THAP1: variants seen among roughly 807,000 people sequenced by gnomAD.
The protein encoded by THAP1 is THAP domain containing 1.
THAP1 carries 6 observed loss-of-function variants against 18.2 expected under a neutral mutation model. That is an observed-to-expected ratio of 0.33 (90% CI 0.18 to 0.65). The LOEUF is 0.65. Ranked by LOEUF, THAP1 falls within the 30% of genes least tolerant of loss-of-function variation. THAP1 has a pLI of 0.74. For synonymous variants in THAP1, 85 were observed against 90.5 expected, an observed-to-expected ratio of 0.94 and a Z score of 0.34; for missense variants, 176 against 253.0, an observed-to-expected ratio of 0.70 and a Z score of 2.06.
Position 42,843,265 on chromosome 8 carries a change from A to C in THAP1, c.-171T>G, listed in dbSNP as rs1802763506. On this transcript the variant is annotated 5_prime_UTR_variant, in exon 1 of 3. It removes an upstream start codon present in the reference 5' UTR. Transcript: ENST00000254250. ...CTAGTGTGCCCGTTTTGTTGTTTGCATTAGCAGAAGGACCACAGCCATCGC... is the reference window on the plus strand; with the variant it reads ...CTAGTGTGCCCGTTTTGTTGTTTGCCTTAGCAGAAGGACCACAGCCATCGC... 1.3e-6 allele frequency: 1 copy of C among 758,426 alleles called. No homozygotes were observed. The highest frequency in any genetic ancestry group is 2.3e-6 in the Non-Finnish European group (1 of 440,660). 47.0% of individuals were successfully genotyped at this position (758,426 alleles called of 1,614,324 possible). A position where few individuals can be genotyped will look rare whatever the true frequency, so the allele number is the denominator to read the frequency against.
chr8:42,837,811 T>G lies in THAP1; in HGVS notation c.*151A>C. 1 of 708,608 alleles carries G rather than the reference T, an allele frequency of 1.4e-6. No homozygotes were observed. The highest frequency in any genetic ancestry group is 2.0e-6 in the Non-Finnish European group (1 of 505,336). The allele number at this position is 708,608 out of a possible 1,614,324, so 43.9% of individuals were successfully genotyped here. ...ATTACAAACAAAAAAATTTATAATT[T>G]TACAGTATATATAGAATTTTTTTTA... On this transcript the variant is annotated 3_prime_UTR_variant, in exon 3 of 3. Coordinates refer to ENST00000254250, the MANE Select transcript of THAP1 (RefSeq NM_018105.3).
intron 1 of THAP1, 81 bp from the exon 2 acceptor site, chr8:42,839,462 A>C (rs1802676313): frequency 7.4e-7 from 1 of 1,358,714 alleles, no homozygotes; most frequent in East Asian, 2.3e-5. Flanking sequence ...CTTAGGAAAT[A>C]TCTTACATTG....
At chr8:42,840,395 G>A (rs1483405871) in intron 1 of THAP1, among the ~76,000 whole-genome samples, 1 of 152,124 alleles carries the variant, frequency 6.6e-6, no homozygotes, top group Non-Finnish European at 1.5e-5. Context: ...CTAATCAACT[G>A]GGATGTCCAT....
In THAP1 at chr8:42,837,945, A is replaced by C. The variant is rs1175035321; in HGVS notation, c.*17T>G. On this transcript the variant is annotated 3_prime_UTR_variant, in exon 3 of 3. Coordinates refer to ENST00000254250, the MANE Select transcript of THAP1 (RefSeq NM_018105.3). ...TGTGGTATTGCCCCATTAGAAATCA[A>C]TACACATTTCATTTTTTTATGCTGG... is the stretch of plus-strand genomic sequence containing the variant. The C allele has an allele frequency of 1.9e-6, 3 of 1,610,430 alleles. No individual in the cohort carries two copies. The Admixed American group carries it at 5.0e-5, about 27-fold the overall frequency.
chr8:42,839,506 GGATTA>G, intron 1 of THAP1, 125 bp from the exon 2 acceptor site: 1 of 990,058 alleles, frequency 1.0e-6, no homozygotes, highest in South Asian at 1.5e-5. Context: ...TTATCCTATT[GGATTA>G]AAGATTAGCT....
At chr8:42,842,564 C>T (rs1028956593) in intron 1 of THAP1, 4 of 152,280 alleles carry the variant, frequency 2.6e-5, no homozygotes, top group African/African-American at 9.6e-5. Context: ...CCCTGATTTC[C>T]CAGCCAAAAA....
chr8:42,843,129 G>A lies in THAP1; in HGVS notation c.-35C>T. On this transcript the variant is annotated 5_prime_UTR_variant, in exon 1 of 3. Coordinates refer to ENST00000254250, the MANE Select transcript of THAP1 (RefSeq NM_018105.3). The stretch of plus-strand genomic sequence containing the variant: ...CCTCAGGCACTTCACTTCTGCCGCC[G>A]CAGAAGGCAGGGGAAGCTGTTCTCA... 1.9e-6 allele frequency: 3 copies of A among 1,611,660 alleles called. No homozygotes were observed. The highest frequency in any genetic ancestry group is 1.1e-5 in the South Asian group (1 of 91,038).
chr8:42,839,491 T>G, intron 1 of THAP1, 110 bp from the exon 2 acceptor site: 1 of 1,092,636 alleles, frequency 9.2e-7, no homozygotes, highest in Admixed American at 2.0e-5. Flanking sequence ...GATGTTACAA[T>G]TGTATTATCC....
At chr8:42,841,935 TA>T (rs1182436840) in intron 1 of THAP1, among the ~76,000 whole-genome samples, 1 of 152,140 alleles carries the variant, frequency 6.6e-6, no homozygotes, top group African/African-American at 2.4e-5. Flanking sequence ...CAAACATATT[TA>T]AAAAATGCAT....
chr8:42,838,410 G>A (rs981499644), intron 2 of THAP1, 74 bp from the exon 3 acceptor site: 3 of 1,579,800 alleles, frequency 1.9e-6, no homozygotes, highest in African/African-American at 1.3e-5. Context: ...GACTGACCAG[G>A]CGCAGTGGCT....
At position 42,837,997 on chromosome 8, in the gene THAP1, T is replaced by G. The variant is rs983443993; in HGVS notation, c.607A>C (p.Asn203His). Residue 203 changes from asparagine to histidine, a missense_variant, in exon 3 of 3, where the codon AAT (asparagine) becomes CAT (histidine). Asn to His is a moderately conservative substitution (Grantham distance 68). Transcript: ENST00000254250. ...ACTTCAACTATTTCAAAGTAGTCAT[T>G]TGGTAGAATCACATAACCTCTTTCT... ...VSERGYVILP[N>H]DYFEIVEVPA 1 of 1,613,880 alleles carries G rather than the reference T, an allele frequency of 6.2e-7. No individual in the cohort carries two copies. Among genetic ancestry groups the G allele is most frequent in the East Asian group, 2.2e-5 (1 of 44,888 alleles).
At position 42,837,734 on chromosome 8, in the gene THAP1, G is replaced by C; in HGVS notation, c.*228C>G. 3.1e-6 allele frequency: 1 copy of C among 318,722 alleles called. No individual in the cohort carries two copies. Among genetic ancestry groups the C allele is most frequent in the African/African-American group, 2.2e-5 (1 of 46,354 alleles). The allele number at this position is 318,722 out of a possible 1,614,324, so 19.7% of individuals were successfully genotyped here. A position where few individuals can be genotyped will look rare whatever the true frequency, so the allele number is the denominator to read the frequency against. On this transcript the variant is annotated 3_prime_UTR_variant, in exon 3 of 3. Coordinates refer to ENST00000254250, the MANE Select transcript of THAP1 (RefSeq NM_018105.3). Reference sequence around the variant, plus strand: ...TGAAACCAACTTACATTAGAGGTCTGAGGTTAGTTTATAACTTTTAAAATA... The same window carrying C: ...TGAAACCAACTTACATTAGAGGTCTCAGGTTAGTTTATAACTTTTAAAATA...
chr8:42,837,794 C>CA lies in THAP1; in HGVS notation c.*167dup. The CA allele has an allele frequency of 1.6e-6, 1 of 626,630 alleles. No individual in the cohort carries two copies. The highest frequency in any genetic ancestry group is 2.3e-6 in the Non-Finnish European group (1 of 439,180). 38.8% of individuals were successfully genotyped at this position (626,630 alleles called of 1,614,324 possible). A position where few individuals can be genotyped will look rare whatever the true frequency, so the allele number is the denominator to read the frequency against. On this transcript the variant is annotated 3_prime_UTR_variant, in exon 3 of 3. Transcript: ENST00000254250. ...AATGTAAAAAACCTGAAATTACAAA[C>CA]AAAAAAATTTATAATTTTACAGTAT...
intron 2 of THAP1, among the ~76,000 whole-genome samples, chr8:42,838,643 T>C (rs1586456670): frequency 6.6e-6 from 1 of 152,080 alleles, no homozygotes. Flanking sequence ...GCCAAGATCA[T>C]GTCACTGCAC....
At position 42,843,213 on chromosome 8, in the gene THAP1, A is replaced by G. The variant is rs1364506135; in HGVS notation, c.-119T>C. On this transcript the variant is annotated 5_prime_UTR_variant, in exon 1 of 3. Transcript: ENST00000254250. ...TTTTGTAGCTTTGGCCAACAGTTAC[A>G]GTGATGGTGGCCTCCCTCGGGGGTG... 1.6e-6 allele frequency: 2 copies of G among 1,265,272 alleles called. No homozygotes were observed. Among genetic ancestry groups the G allele is most frequent in the Non-Finnish European group, 2.3e-6 (2 of 871,922 alleles). The allele number at this position is 1,265,272 out of a possible 1,614,324, so 78.4% of individuals were successfully genotyped here.
chr8:42,841,586 C>T (rs1008372986), intron 1 of THAP1, among the ~76,000 whole-genome samples: 4 of 152,082 alleles, frequency 2.6e-5, no homozygotes, highest in African/African-American at 9.7e-5. Context: ...CATCGTGCCT[C>T]GACAAAAACA....
In THAP1 at chr8:42,839,237, C is replaced by T; in HGVS notation, c.216G>A (p.Leu72=). 1 of 1,614,098 alleles carries T rather than the reference C, an allele frequency of 6.2e-7. No homozygotes were observed. The highest frequency in any genetic ancestry group is 8.5e-7 in the Non-Finnish European group (1 of 1,180,002). Residue 72 remains leucine (L), a synonymous_variant, in exon 2 of 3, where the codon CTG becomes CTA. Coordinates refer to ENST00000254250, the MANE Select transcript of THAP1 (RefSeq NM_018105.3). ...ATATTGTGGGCACAGCATTCTCTTT[C>T]AGTAACTTGTTGTTGCACTCTCTCT... is the stretch of plus-strand genomic sequence containing the variant. ...CFKRECNNKL[L]KENAVPTIFL...
intron 1 of THAP1, among the ~76,000 whole-genome samples, chr8:42,840,965 C>CAA (rs1029278824): frequency 0.027 from 1,245 of 46,316 alleles, 23 homozygotes; most frequent in Middle Eastern, 0.064. Flanking sequence ...GACTCCATCT[C>CAA]AAAAAAAAAA....
chr8:42,842,892 C>CGCCCGACACGGCCGGCCCCAG (rs1802750892), intron 1 of THAP1, 132 bp downstream of exon 1: 2 of 688,478 alleles, frequency 2.9e-6, no homozygotes, highest in Non-Finnish European at 3.8e-6. Context: ...CGGTGGGAAA[C>CGCCCGACACGGCCGGCCCCAG]GCCCGACACG....
Sources: gnomAD v4.1 joint callset for allele counts (sites outside exome capture counted in the v4.1 genomes callset) on GRCh38, gnomAD v4.1.1 for gene constraint, MANE v1.5 for transcripts, NCBI Gene and HGNC (gene_info 2026-07-23, HGNC 2026-07-21) for gene names.